CCR9: variants seen among roughly 807,000 people sequenced by gnomAD.
CCR9 encodes C-C motif chemokine receptor 9, also known as C-C chemokine receptor type 9.
CCR9 carries 4 observed loss-of-function variants against 8.7 expected under a neutral mutation model. That is an observed-to-expected ratio of 0.46 (90% confidence interval 0.23 to 1.06). CCR9 has a LOEUF of 1.06. Among genes scored for constraint, CCR9 ranks in the 50% least tolerant of loss-of-function variants. CCR9 has a pLI of 0.21. For synonymous variants in CCR9, 159 were observed against 168.8 expected (o/e 0.94, Z 0.45); for missense variants, 394 against 453.6 (o/e 0.87, Z 1.19).
At chr3:45,893,669 A>G (rs981639241) in intron 1 of CCR9, among the ~76,000 whole-genome samples, 1 of 152,250 alleles carries the variant, frequency 6.6e-6, no homozygotes, top group Non-Finnish European at 1.5e-5. Context: ...GATATTTCAC[A>G]GTTAACTTAT....
intron 1 of CCR9, among the ~76,000 whole-genome samples, chr3:45,893,631 G>A (rs942729896): frequency 4.6e-5 from 7 of 152,126 alleles, no homozygotes; most frequent in Non-Finnish European, 8.8e-5. Flanking sequence ...TGTGTGAATC[G>A]GTCATTCATT....
intron 2 of CCR9, among the ~76,000 whole-genome samples, chr3:45,896,293 T>C (rs1259218707): frequency 6.6e-6 from 1 of 152,230 alleles, no homozygotes; most frequent in African/African-American, 2.4e-5. Context: ...TAGCCAACTC[T>C]GCAAAGCAGC....
Position 45,893,536 on chromosome 3 carries a change from AGT to A in CCR9, c.-28-1369_-28-1368del, listed in dbSNP as rs1702257289. 5.9e-5 allele frequency among the ~76,000 whole-genome samples: 9 copies of A among 152,298 alleles called. 1 individual carries two copies. The highest frequency in any genetic ancestry group is 5.9e-4 in the Admixed American group (9 of 15,298). On this transcript the variant is annotated intron_variant, in intron 1 of 2. Coordinates refer to ENST00000357632, the MANE Select transcript of CCR9 (RefSeq NM_031200.3). Reference sequence around the variant, plus strand: ...GTATAGATTAGTTTGCATTATTTAGAGTTTTATACAAGTGAAATCATACAGTA... The same window carrying A: ...GTATAGATTAGTTTGCATTATTTAGATTTATACAAGTGAAATCATACAGTA...
intron 1 of CCR9, among the ~76,000 whole-genome samples, chr3:45,889,723 C>T (rs1702089178): frequency 6.6e-6 from 1 of 151,440 alleles, no homozygotes; most frequent in Non-Finnish European, 1.5e-5. Context: ...CATAAGTCTT[C>T]CTACATGTTG....
chr3:45,903,025 C>T lies in CCR9; in HGVS notation c.*1127C>T, dbSNP rs575855229. 3.0e-5 allele frequency: 5 copies of T among 167,000 alleles called. No homozygotes were observed. The highest frequency in any genetic ancestry group is 1.2e-4 in the African/African-American group (5 of 41,570). 10.3% of individuals were successfully genotyped at this position (167,000 alleles called of 1,614,324 possible). On this transcript the variant is annotated 3_prime_UTR_variant, in exon 3 of 3. Transcript: ENST00000357632. ...TTTGCATCTTTTGTGTCTTTCTTAT[C>T]ATGATTTGGCAAAATGCATCACCTT... is the stretch of plus-strand genomic sequence containing the variant.
chr3:45,893,127 C>T (rs1393334335), intron 1 of CCR9, among the ~76,000 whole-genome samples: 1 of 152,000 alleles, frequency 6.6e-6, no homozygotes, highest in Non-Finnish European at 1.5e-5. Context: ...CTCCTGCCCT[C>T]CCACACTCCC....
At chr3:45,886,975 C>T (rs1234613931) in intron 1 of CCR9, among the ~76,000 whole-genome samples, 1 of 152,176 alleles carries the variant, frequency 6.6e-6, no homozygotes, top group African/African-American at 2.4e-5. Context: ...GTAAAGGACA[C>T]ACCCATGAGG....
chr3:45,901,584 T>C lies in CCR9; in HGVS notation c.796T>C (p.Ser266Pro). The change falls in exon 3 of 3, where the codon TCT becomes CCT. Residue 266 changes from serine to proline, a missense_variant. Coordinates refer to ENST00000357632, the MANE Select transcript of CCR9 (RefSeq NM_031200.3). This position sits in a 1 kb window ranked among gnomAD's most constrained non-coding sequence, Gnocchi z 4.3. ...TITVLTVFVL[S>P]QFPYNCILLV... ...CACTGTCCTGACCGTCTTTGTCTTGTCTCAGTTTCCCTACAACTGCATTTT... is the reference window on the plus strand; with the variant it reads ...CACTGTCCTGACCGTCTTTGTCTTGCCTCAGTTTCCCTACAACTGCATTTT... 1.2e-6 allele frequency: 2 copies of C among 1,614,192 alleles called. No homozygotes were observed. Among genetic ancestry groups the C allele is most frequent in the Non-Finnish European group, 1.7e-6 (2 of 1,180,018 alleles).
At chr3:45,889,553 T>C (rs925888683) in intron 1 of CCR9, among the ~76,000 whole-genome samples, 1 of 152,136 alleles carries the variant, frequency 6.6e-6, no homozygotes, top group Non-Finnish European at 1.5e-5. Context: ...TTTACACACT[T>C]GGTAAGATAT....
chr3:45,893,849 C>T (rs1359220209), intron 1 of CCR9, among the ~76,000 whole-genome samples: 1 of 152,154 alleles, frequency 6.6e-6, no homozygotes, highest in Non-Finnish European at 1.5e-5. Context: ...GCATGTATAA[C>T]GTCTTAAGAA....
At position 45,900,266 on chromosome 3, in the gene CCR9, T is replaced by TGTGTATGTGCATGTGTATGTGG. The variant is rs1702507348; in HGVS notation, c.22-536_22-515dup. Among the ~76,000 whole-genome samples, 1 of 152,152 alleles carries TGTGTATGTGCATGTGTATGTGG rather than the reference T, an allele frequency of 6.6e-6. No homozygotes were observed. The highest frequency in any genetic ancestry group is 2.4e-5 in the African/African-American group (1 of 41,448). The stretch of plus-strand genomic sequence containing the variant: ...AGGGTTGAGAGTGTCTGTGTGTGTA[T>TGTGTATGTGCATGTGTATGTGG]GTGTATGTGCATGTGTATGTGGGTG... On this transcript the variant is annotated intron_variant, in intron 2 of 2. Transcript: ENST00000357632. The surrounding 1 kb of genome is among the most constrained non-coding windows in gnomAD (Gnocchi z 4.7).
At chr3:45,888,865 G>A (rs1435991253) in intron 1 of CCR9, among the ~76,000 whole-genome samples, 2 of 152,216 alleles carry the variant, frequency 1.3e-5, no homozygotes, top group Non-Finnish European at 2.9e-5. Context: ...GGAGGGGTAT[G>A]TCCTGTTTTT....
chr3:45,894,888 T>C lies in CCR9; in HGVS notation c.-28-18T>C, dbSNP rs537359024. Reference sequence around the variant, plus strand: ...GTTTACAAGCCAGTCCACTTTTTGATTTTTGTCCCTTTTCCAGGAGCAGGC... The same window carrying C: ...GTTTACAAGCCAGTCCACTTTTTGACTTTTGTCCCTTTTCCAGGAGCAGGC... On this transcript the variant is annotated intron_variant, in intron 1 of 2. Transcript: ENST00000357632. 2.5e-6 allele frequency: 4 copies of C among 1,608,388 alleles called. No homozygotes were observed. Among genetic ancestry groups the C allele is most frequent in the South Asian group, 1.1e-5 (1 of 90,964 alleles).
intron 2 of CCR9, chr3:45,895,210 T>A: frequency 3.8e-6 from 2 of 533,120 alleles, no homozygotes; most frequent in South Asian, 5.3e-5. Flanking sequence ...GCTAAGGATT[T>A]TTAACCATCT....
intron 1 of CCR9, among the ~76,000 whole-genome samples, chr3:45,890,241 A>C: frequency 1.0e-5 from 1 of 99,734 alleles, no homozygotes; most frequent in African/African-American, 4.9e-5. Flanking sequence ...GAGGTGACAT[A>C]AGCCCTGGGT....
In CCR9 at chr3:45,901,076, C is replaced by A; in HGVS notation, c.288C>A (p.Leu96=). 1.2e-6 allele frequency: 2 copies of A among 1,614,202 alleles called. No individual in the cohort carries two copies. The highest frequency in any genetic ancestry group is 1.7e-6 in the Non-Finnish European group (2 of 1,180,034). ...TGAATTTGGCAATTGCTGACCTCCT[C>A]TTTCTTGTCACTCTTCCCTTCTGGG... The part of the protein sequence containing the change: ...FLLNLAIADL[L]FLVTLPFWAI... Residue 96 remains leucine, a synonymous_variant, in exon 3 of 3, where the codon CTC becomes CTA. Transcript: ENST00000357632. This position sits in a 1 kb window ranked among gnomAD's most constrained non-coding sequence, Gnocchi z 4.3.
intron 2 of CCR9, among the ~76,000 whole-genome samples, chr3:45,899,917 G>A (rs1702491249): frequency 6.6e-6 from 1 of 152,092 alleles, no homozygotes; most frequent in Admixed American, 6.6e-5. Context: ...AGTGTAAGAA[G>A]TGTGTGTGTG....
upstream of CCR9, among the ~76,000 whole-genome samples, chr3:45,886,288 T>A (rs1405590023): frequency 6.6e-6 from 1 of 152,218 alleles, no homozygotes; most frequent in African/African-American, 2.4e-5. Context: ...CCCCATTCCC[T>A]GTAAGCAGCT....
At chr3:45,887,283 G>T (rs985877018) in intron 1 of CCR9, among the ~76,000 whole-genome samples, 1 of 151,948 alleles carries the variant, frequency 6.6e-6, no homozygotes, top group African/African-American at 2.4e-5. Flanking sequence ...GTGAGGTTGT[G>T]TTACAGAGAA....
Sources: gnomAD v4.1 joint callset for allele counts (sites outside exome capture counted in the v4.1 genomes callset) on GRCh38, gnomAD v4.1.1 for gene constraint, Gnocchi (gnomAD v3.1) non-coding constraint, MANE v1.5 for transcripts, NCBI Gene and HGNC (gene_info 2026-07-23, HGNC 2026-07-21) for gene names.